Variants in GPATCH1 observed in about 807,000 individuals in gnomAD.
GPATCH1 encodes the protein G patch domain-containing protein 1.
In GPATCH1, 73 loss-of-function variants were observed where a neutral mutation model predicts 114.9. The observed-to-expected ratio is 0.64, with a 90% CI of 0.53 to 0.77. The LOEUF (loss-of-function observed/expected upper bound fraction) is 0.77. Among genes scored for constraint, GPATCH1 ranks in the 30% least tolerant of loss-of-function variants. The probability of loss-of-function intolerance (pLI) is 0.00; values close to 1 mark genes in which losing one functional copy is unlikely to be tolerated. For synonymous variants in GPATCH1, 391 were observed against 428.4 expected (o/e 0.91, Z 1.08); for missense variants, 1,058 against 1,144.3 (o/e 0.92, Z 1.09).
intron 7 of GPATCH1, among the ~76,000 whole-genome samples, chr19:33,096,836 C>T (rs1023009690): frequency 4.6e-5 from 7 of 152,038 alleles, no homozygotes; most frequent in African/African-American, 1.7e-4. Flanking sequence ...ACCATGTTGG[C>T]CAGGCTGGTC....
intron 9 of GPATCH1, among the ~76,000 whole-genome samples, chr19:33,106,276 T>TTA (rs1430575125): frequency 2.0e-5 from 3 of 152,070 alleles, no homozygotes; most frequent in Non-Finnish European, 4.4e-5. Flanking sequence ...AGTGCTGGGA[T>TTA]TATAGGTGTG....
At chr19:33,118,658 A>G (rs941768398) in intron 16 of GPATCH1, among the ~76,000 whole-genome samples, 1 of 152,184 alleles carries the variant, frequency 6.6e-6, no homozygotes, top group Non-Finnish European at 1.5e-5. Context: ...ATAGTCTTAC[A>G]TTCCTGATGG....
rs202158985 is a variant in GPATCH1, at chr19:33,097,901, A to C, written c.999A>C (p.Lys333Asn). Residue 333 changes from lysine (K) to asparagine (N), a missense_variant and splice_region_variant, in exon 8 of 20, where the codon AAA becomes AAC. Lys to Asn is a moderately conservative substitution (Grantham distance 94, BLOSUM62 0). Coordinates refer to ENST00000170564, the MANE Select transcript of GPATCH1 (RefSeq NM_018025.3). ...CACCCAGGCAGTATAAAAACCAGAA[A>C]GGTAATTCGACAGCCACAAACCTAA... is the stretch of plus-strand genomic sequence containing the variant. Reference protein sequence around the residue: ...WTAPRQYKNQKESEKDLRYVG... With the variant: ...WTAPRQYKNQNESEKDLRYVG... 11 of 1,613,750 alleles carry C rather than the reference A, an allele frequency of 6.8e-6. No homozygotes were observed. The highest frequency in any genetic ancestry group is 4.0e-5 in the African/African-American group (3 of 75,010).
At chr19:33,124,539 A>G (rs1199373089) in intron 17 of GPATCH1, among the ~76,000 whole-genome samples, 1 of 152,164 alleles carries the variant, frequency 6.6e-6, no homozygotes, top group Non-Finnish European at 1.5e-5. Flanking sequence ...CTTATAAAAT[A>G]CGTTTTTGTA....
rs778508028 is a variant in GPATCH1 at position 33,119,067 on chromosome 19, T to C, written c.2471T>C (p.Ile824Thr). The C allele has an allele frequency of 3.1e-6, 5 of 1,613,432 alleles. No individual in the cohort carries two copies. Among genetic ancestry groups the C allele is most frequent in the Non-Finnish European group, 4.2e-6 (5 of 1,179,768 alleles). ...PPSFPIQKMQ[I>T]DEREEFGPRL... ...TCCTTCCCGATACAAAAGATGCAGA[T>C]AGATGAAAGAGAAGAGTTCGGCCCG... Residue 824 changes from isoleucine (I) to threonine (T), a missense_variant, in exon 17 of 20, where the codon ATA (isoleucine) becomes ACA (threonine). Ile to Thr is a moderately conservative substitution (Grantham distance 89). Around this residue, in one of 3 missense-constraint regions of GPATCH1, gnomAD observed 893 missense variants for 977.4 expected, o/e 0.91. Coordinates refer to ENST00000170564, the MANE Select transcript of GPATCH1 (RefSeq NM_018025.3).
At chr19:33,111,306 C>T (rs1325610650) in intron 11 of GPATCH1, among the ~76,000 whole-genome samples, 1 of 146,814 alleles carries the variant, frequency 6.8e-6, no homozygotes, top group Non-Finnish European at 1.5e-5. Context: ...ATGGTGTGAA[C>T]GTGGGAGGCG....
At chr19:33,121,764 T>G (rs1342040801) in intron 17 of GPATCH1, among the ~76,000 whole-genome samples, 1 of 152,228 alleles carries the variant, frequency 6.6e-6, no homozygotes, top group Non-Finnish European at 1.5e-5. Flanking sequence ...CATTTCAAGT[T>G]AAAACATTTA....
chr19:33,081,340 A>G (rs1305819838), intron 1 of GPATCH1, 74 bp downstream of exon 1: 3 of 1,134,562 alleles, frequency 2.6e-6, no homozygotes, highest in East Asian at 2.9e-5. Context: ...CAAAAGCACA[A>G]GTCGGTGCTG....
Position 33,090,949 on chromosome 19 carries a change from G to A in GPATCH1, c.294+84G>A, listed in dbSNP as rs1972587804. On this transcript the variant is annotated intron_variant, in intron 3 of 19. Transcript: ENST00000170564. ...GTAACTGCCTTCTCTCTCCCCAGAA[G>A]GTCCAATGTACGATTTCCTCTTTGT... 3 of 787,200 alleles carry A rather than the reference G, an allele frequency of 3.8e-6. No individual in the cohort carries two copies. In the East Asian group the frequency reaches 7.6e-5, roughly 20 times the overall value. 48.8% of individuals were successfully genotyped at this position (787,200 alleles called of 1,614,324 possible). A position where few individuals can be genotyped will look rare whatever the true frequency, so the allele number is the denominator to read the frequency against.
chr19:33,118,105 C>T, intron 16 of GPATCH1, 64 bp downstream of exon 16: 3 of 990,446 alleles, frequency 3.0e-6, no homozygotes, highest in Middle Eastern at 2.1e-4. Flanking sequence ...ACAGCTGCTT[C>T]TCTGTTTACT....
intron 1 of GPATCH1, among the ~76,000 whole-genome samples, chr19:33,082,771 A>G (rs2145295497): frequency 6.6e-6 from 1 of 152,192 alleles, no homozygotes; most frequent in South Asian, 2.1e-4. Context: ...GCATTTTCTT[A>G]AGACATCTCT....
intron 17 of GPATCH1, among the ~76,000 whole-genome samples, chr19:33,122,269 A>G (rs1180730349): frequency 6.6e-6 from 1 of 150,876 alleles, no homozygotes; most frequent in Non-Finnish European, 1.5e-5. Flanking sequence ...CAGCCTCCCA[A>G]AGTGTTGGGA....
intron 1 of GPATCH1, 86 bp downstream of exon 1, chr19:33,081,352 A>G: frequency 8.7e-7 from 1 of 1,150,568 alleles, no homozygotes; most frequent in South Asian, 1.3e-5. Flanking sequence ...TCGGTGCTGG[A>G]CCATTGTTAG....
chr19:33,129,991 G>A (rs3826906), intron 19 of GPATCH1, 139 bp from the exon 20 acceptor site: 101,400 of 634,946 alleles, frequency 0.16, 9,994 homozygotes, highest in East Asian at 0.38. Flanking sequence ...CTTCATTGTG[G>A]GTTATTGTGA....
At chr19:33,114,016 C>A in intron 14 of GPATCH1, 113 bp downstream of exon 14, 2 of 956,258 alleles carry the variant, frequency 2.1e-6, no homozygotes, top group Non-Finnish European at 3.2e-6. Flanking sequence ...TGCATATTCT[C>A]CCTCCATTGA....
rs143082587 is a variant in GPATCH1 at position 33,113,795 on chromosome 19, A to C, written c.1921A>C (p.Lys641Gln). 1,077 of 1,613,782 alleles carry C rather than the reference A, an allele frequency of 6.7e-4. 1 individual carries two copies. The highest frequency in any genetic ancestry group is 8.2e-4 in the Non-Finnish European group (973 of 1,179,706). The change falls in exon 14 of 20, where the codon AAG becomes CAG. Residue 641 changes from lysine (K) to glutamine (Q), a missense_variant. This residue lies in a region of GPATCH1 where 893 missense variants were observed against 977.4 expected (regional missense o/e 0.91). Transcript: ENST00000170564. ...AACTTTAGTTGGCTTACCAAGAGTG[A>C]AGCGTGACAAGTACTCAGTCTTCAA... ...DSTLVGLPRV[K>Q]RDKYSVFNFL...
chr19:33,112,679 T>TAC, intron 13 of GPATCH1, 66 bp downstream of exon 13: 1 of 1,259,434 alleles, frequency 7.9e-7, no homozygotes, highest in South Asian at 1.4e-5. Flanking sequence ...ATTTTCCCCT[T>TAC]ACATACTCAT....
intron 3 of GPATCH1, among the ~76,000 whole-genome samples, chr19:33,092,088 C>T (rs992934432): frequency 5.3e-5 from 8 of 151,690 alleles, no homozygotes; most frequent in African/African-American, 1.9e-4. Flanking sequence ...GCTCTGTTGC[C>T]CAGGCTGGAG....
chr19:33,113,616 C>G (rs1464859407), intron 13 of GPATCH1, 151 bp from the exon 14 acceptor site: 3 of 594,450 alleles, frequency 5.0e-6, no homozygotes, highest in Middle Eastern at 3.4e-4. Context: ...AATCAGTCAC[C>G]CAGATTCTCG....
Sources: gnomAD v4.1 joint callset for allele counts (sites outside exome capture counted in the v4.1 genomes callset) on GRCh38, gnomAD v4.1.1 for gene constraint, gnomAD v4.1.1 regional missense constraint, MANE v1.5 for transcripts, NCBI Gene and HGNC (gene_info 2026-07-23, HGNC 2026-07-21) for gene names.